The following PKD1L1 variants were observed in gnomAD, a reference collection of about 807,000 sequenced individuals.
PKD1L1 encodes polycystin-1-like protein 1.
A neutral mutation model predicts 323.4 loss-of-function variants in PKD1L1; 236 were observed. The ratio of observed to expected loss-of-function variants is 0.73; its 90% CI spans 0.66 to 0.81. PKD1L1 has a LOEUF of 0.81. PKD1L1 is among the 40% of genes least tolerant of loss of function. The pLI, the probability that PKD1L1 is intolerant of heterozygous loss-of-function variation, is 0.00. For missense variants in PKD1L1, 3,320 were observed against 3,508.0 expected (o/e 0.95, Z 1.35); for synonymous variants, 1,344 against 1,335.0 (o/e 1.01, Z -0.15).
At chr7:47,788,888 T>C (rs6963565) in intron 56 of PKD1L1, among the ~76,000 whole-genome samples, 43,259 of 151,930 alleles carry the variant, frequency 0.28, 6,322 homozygotes, top group South Asian at 0.38. Context: ...TAAGCCACCG[T>C]GCTTGGCCTA....
intron 7 of PKD1L1, 72 bp from the exon 8 acceptor site, chr7:47,915,671 C>A: frequency 1.0e-6 from 1 of 960,852 alleles, no homozygotes; most frequent in Non-Finnish European, 1.5e-6. Flanking sequence ...GTGGAATAAA[C>A]AAAATCTGAA....
chr7:47,809,932 C>CTGTGTACA, intron 50 of PKD1L1, among the ~76,000 whole-genome samples: 1 of 152,336 alleles, frequency 6.6e-6, no homozygotes, highest in African/African-American at 2.4e-5. Context: ...GAGTGAGTTT[C>CTGTGTACA]TGTGTACATG....
intron 8 of PKD1L1, among the ~76,000 whole-genome samples, chr7:47,911,742 C>G (rs777061713): frequency 3.3e-5 from 5 of 152,022 alleles, no homozygotes; most frequent in Non-Finnish European, 7.4e-5. Flanking sequence ...CATGCATGAG[C>G]AGGAACCGTA....
Position 47,815,435 on chromosome 7 carries a change from C to T in PKD1L1, c.6988G>A (p.Gly2330Ser), listed in dbSNP as rs770962668. ...CACCAGTCAGCGATGTTTCTCAGGC[C>T]ACCCAAGCAGTTTCTGGCATTTCTT... ...FTRNARNCLG[G>S]LRNIADWWDW... is the part of the protein sequence containing the mutation. Residue 2330 changes from glycine to serine, a missense_variant, in exon 47 of 57, where the codon GGC becomes AGC. Coordinates refer to ENST00000289672, the MANE Select transcript of PKD1L1 (RefSeq NM_138295.5). 2 of 1,614,028 alleles carry T rather than the reference C, an allele frequency of 1.2e-6. No homozygotes were observed. Among genetic ancestry groups the T allele is most frequent in the Non-Finnish European group, 1.7e-6 (2 of 1,179,944 alleles).
Position 47,839,639 on chromosome 7 carries a change from A to T in PKD1L1, c.5576T>A (p.Leu1859Gln). 10 of 1,574,102 alleles carry T rather than the reference A, an allele frequency of 6.4e-6. No homozygotes were observed. The highest frequency in any genetic ancestry group is 7.8e-6 in the Non-Finnish European group (9 of 1,159,434). ...ILSAPAQLGL[L>Q]RKIRLWHDSR... is the part of the protein sequence containing the mutation. The stretch of plus-strand genomic sequence containing the variant: ...GTCGTGCCAGAGGCGGATCTTCCTC[A>T]GCAGGCCCAGTTGGGCAGGAGCGCT... The change falls in exon 36 of 57, where the codon CTG (leucine) becomes CAG (glutamine). Residue 1859 changes from leucine to glutamine, a missense_variant. Coordinates refer to ENST00000289672, the MANE Select transcript of PKD1L1 (RefSeq NM_138295.5). The surrounding 1 kb of genome is among the most constrained non-coding windows in gnomAD (Gnocchi z 4.3).
intron 7 of PKD1L1, among the ~76,000 whole-genome samples, chr7:47,921,110 A>C (rs1283751228): frequency 6.6e-6 from 1 of 152,140 alleles, no homozygotes; most frequent in Non-Finnish European, 1.5e-5. Flanking sequence ...CAGACAACCC[A>C]CAGAGTGGGA....
At chr7:47,914,116 A>G (rs1458697954) in intron 8 of PKD1L1, among the ~76,000 whole-genome samples, 1 of 152,246 alleles carries the variant, frequency 6.6e-6, no homozygotes, top group Non-Finnish European at 1.5e-5. Flanking sequence ...TGGATACGCT[A>G]AAGAAACAGA....
In PKD1L1 at chr7:47,890,482, T is replaced by C. The variant is rs1786786710; in HGVS notation, c.2675+60A>G. 2.0e-6 allele frequency: 3 copies of C among 1,536,198 alleles called. No homozygotes were observed. In the African/African-American group the frequency reaches 4.1e-5, roughly 21 times the overall value. ...CACAGCAGATTCCTTTCACGGATGC[T>C]AGCACCAGGTGGGAACAAACACCGG... On this transcript the variant is annotated intron_variant, in intron 16 of 56. Transcript: ENST00000289672.
intron 56 of PKD1L1, among the ~76,000 whole-genome samples, chr7:47,779,301 C>T (rs1786637426): frequency 6.6e-6 from 1 of 152,174 alleles, no homozygotes; most frequent in South Asian, 2.1e-4. Flanking sequence ...CAGCTTTTTG[C>T]AGCCACTGGC....
intron 1 of PKD1L1, 105 bp downstream of exon 1, chr7:47,948,292 C>T: frequency 2.2e-6 from 3 of 1,354,332 alleles, no homozygotes; most frequent in Non-Finnish European, 2.1e-6. Context: ...CCACTCGTGC[C>T]AGAGTGAGCC....
intron 5 of PKD1L1, 62 bp from the exon 6 acceptor site, chr7:47,931,383 TGTCC>T: frequency 6.4e-7 from 1 of 1,557,482 alleles, no homozygotes; most frequent in Non-Finnish European, 8.8e-7. Flanking sequence ...CAGTAGCTGA[TGTCC>T]GCCATGCTCA....
intron 54 of PKD1L1, among the ~76,000 whole-genome samples, chr7:47,799,783 T>C (rs961823471): frequency 2.6e-5 from 4 of 151,980 alleles, no homozygotes; most frequent in Non-Finnish European, 5.9e-5. Context: ...AGAGCAGGGG[T>C]CCCAACCCTG....
chr7:47,824,930 C>T (rs1785212787), intron 45 of PKD1L1, among the ~76,000 whole-genome samples: 1 of 152,190 alleles, frequency 6.6e-6, no homozygotes, highest in South Asian at 2.1e-4. Context: ...TCATGTTTTA[C>T]TTACTGTGTC....
chr7:47,836,988 A>G lies in PKD1L1; in HGVS notation c.5876T>C (p.Val1959Ala), dbSNP rs745996320. 6.2e-7 allele frequency: 1 copy of G among 1,614,218 alleles called. No homozygotes were observed. Among genetic ancestry groups the G allele is most frequent in the South Asian group, 1.1e-5 (1 of 91,078 alleles). Residue 1959 changes from valine (V) to alanine (A), a missense_variant, in exon 37 of 57, where the codon GTG (valine) becomes GCG (alanine). Coordinates refer to ENST00000289672, the MANE Select transcript of PKD1L1 (RefSeq NM_138295.5). ...GTAGACGCACAGCAGGGAGAAGGACACGGTGAGGCGCGGCGTGTGCAGGTA... is the reference window on the plus strand; with the variant it reads ...GTAGACGCACAGCAGGGAGAAGGACGCGGTGAGGCGCGGCGTGTGCAGGTA... ...SRYLHTPRLT[V>A]SFSLLCVYAC...
At position 47,853,232 on chromosome 7, in the gene PKD1L1, G is replaced by T; in HGVS notation, c.4860-5C>A. 1 of 1,583,978 alleles carries T rather than the reference G, an allele frequency of 6.3e-7. No individual in the cohort carries two copies. Among genetic ancestry groups the T allele is most frequent in the Non-Finnish European group, 8.7e-7 (1 of 1,153,540 alleles). On this transcript the variant is annotated splice_region_variant and splice_polypyrimidine_tract_variant and intron_variant, in intron 30 of 56. Transcript: ENST00000289672. ...GGAGTAGGTTTCTCAGAGAATCTAG[G>T]AGATAAAAACAAAATAGGGATTTCT...
chr7:47,846,730 C>T, intron 32 of PKD1L1, 149 bp downstream of exon 32: 1 of 699,740 alleles, frequency 1.4e-6, no homozygotes, highest in Non-Finnish European at 2.3e-6. Flanking sequence ...TATGAGAGAA[C>T]TGACACAGGC....
At chr7:47,809,935 T>C (rs1035629778) in intron 50 of PKD1L1, among the ~76,000 whole-genome samples, 13 of 152,224 alleles carry the variant, frequency 8.5e-5, no homozygotes, top group Non-Finnish European at 1.5e-5. Flanking sequence ...TGAGTTTCTG[T>C]GTACATGTGA....
At chr7:47,794,043 T>G (rs1050098169) in intron 55 of PKD1L1, among the ~76,000 whole-genome samples, 1 of 152,234 alleles carries the variant, frequency 6.6e-6, no homozygotes, top group African/African-American at 2.4e-5. Flanking sequence ...ACTTGGGTGC[T>G]GTTAAAAGCA....
chr7:47,948,923 C>G (rs1342275631), upstream of PKD1L1, among the ~76,000 whole-genome samples: 1 of 152,086 alleles, frequency 6.6e-6, no homozygotes, highest in Non-Finnish European at 1.5e-5. Flanking sequence ...CACCACTGTG[C>G]AATAGAGTGA....
Sources: gnomAD v4.1 joint callset for allele counts (sites outside exome capture counted in the v4.1 genomes callset) on GRCh38, gnomAD v4.1.1 for gene constraint, Gnocchi (gnomAD v3.1) non-coding constraint, MANE v1.5 for transcripts, NCBI Gene and HGNC (gene_info 2026-07-23, HGNC 2026-07-21) for gene names.